The following FXR1 variants were observed in gnomAD, a reference collection of about 807,000 sequenced individuals.
FXR1 encodes RNA-binding protein FXR1.
In FXR1, 15 loss-of-function variants were observed where a neutral mutation model predicts 84.0. The ratio of observed to expected loss-of-function variants is 0.18; its 90% CI spans 0.12 to 0.27. The LOEUF (loss-of-function observed/expected upper bound fraction) is 0.27, where lower values mean the gene tolerates loss of function less well. Among genes scored for constraint, FXR1 ranks in the 10% least tolerant of loss-of-function variants. FXR1 has a pLI of 1.00. For missense variants in FXR1, 480 were observed against 774.4 expected (o/e 0.62, Z 4.51); for synonymous variants, 245 against 250.7 (o/e 0.98, Z 0.21).
chr3:180,927,889 T>C (rs1719419389), intron 1 of FXR1: 5 of 371,762 alleles, frequency 1.3e-5, no homozygotes, highest in Non-Finnish European at 2.4e-5. Flanking sequence ...AATATTTGAA[T>C]TGGGGATTTA....
Position 180,927,491 on chromosome 3 carries a change from A to G in FXR1, c.52-5843A>G, listed in dbSNP as rs533779047. Among the ~76,000 whole-genome samples the G allele has an allele frequency of 2.5e-3, 375 of 152,218 alleles. 4 individuals carry two copies. Among genetic ancestry groups the G allele is most frequent in the African/African-American group, 8.8e-3 (366 of 41,546 alleles). ...ATTAATCTTTTAACTCCTGAAATAT[A>G]TTCATACCATGTTTCTTTCTGTTTA... On this transcript the variant is annotated intron_variant, in intron 1 of 16. Transcript: ENST00000357559.
intron 2 of FXR1, 22 bp from the exon 3 acceptor site, chr3:180,935,116 T>C: frequency 8.4e-7 from 1 of 1,190,522 alleles, no homozygotes; most frequent in South Asian, 1.2e-5. Context: ...AAGTTGTTAA[T>C]ACACCTTTTC....
rs2108502860 is a variant in FXR1 at position 180,979,782 on chromosome 3, A to T, written c.*3490A>T. On this transcript the variant is annotated 3_prime_UTR_variant, in exon 17 of 17. Coordinates refer to ENST00000357559, the MANE Select transcript of FXR1 (RefSeq NM_005087.4). ...ACCACTTTTGTAAGGCTCAAAAATG[A>T]TCAACTATTAACAGTTTCTTATGGT... The T allele has an allele frequency of 6.6e-6, 1 of 152,178 alleles. No individual in the cohort carries two copies. The highest frequency in any genetic ancestry group is 1.9e-4 in the East Asian group (1 of 5,174). 9.4% of individuals were successfully genotyped at this position (152,178 alleles called of 1,614,324 possible).
intron 1 of FXR1, among the ~76,000 whole-genome samples, chr3:180,928,904 A>G (rs1719552597): frequency 6.6e-6 from 1 of 151,166 alleles, no homozygotes; most frequent in Non-Finnish European, 1.5e-5. Flanking sequence ...CTTTCATTTT[A>G]CACTTAATTT....
At chr3:180,961,680 C>A (rs1431351335) in intron 11 of FXR1, 126 bp downstream of exon 11, 3 of 503,440 alleles carry the variant, frequency 6.0e-6, no homozygotes, top group East Asian at 3.1e-5. Flanking sequence ...AACTTCAAAT[C>A]TTTAAATATT....
intron 1 of FXR1, among the ~76,000 whole-genome samples, chr3:180,913,215 T>G (rs1717452397): frequency 6.6e-6 from 1 of 152,198 alleles, no homozygotes; most frequent in Admixed American, 6.5e-5. Flanking sequence ...CGCGGAATCT[T>G]TGGAATTCAC....
At chr3:180,954,066 T>C (rs780428609) in intron 9 of FXR1, 5 of 390,700 alleles carry the variant, frequency 1.3e-5, no homozygotes, top group African/African-American at 4.2e-5. Context: ...GATGACTCAC[T>C]AATAAGGCCC....
chr3:180,962,176 A>G (rs1712207157), intron 11 of FXR1, among the ~76,000 whole-genome samples: 1 of 152,158 alleles, frequency 6.6e-6, no homozygotes, highest in Non-Finnish European at 1.5e-5. Flanking sequence ...AAGTATAATA[A>G]TATCCTCACC....
At chr3:180,919,460 T>G (rs1185223995) in intron 1 of FXR1, among the ~76,000 whole-genome samples, 3 of 151,706 alleles carry the variant, frequency 2.0e-5, no homozygotes, top group Admixed American at 1.3e-4. Context: ...AATTTTTGTA[T>G]TTTTAGTAGA....
Position 180,970,274 on chromosome 3 carries a change from C to T in FXR1, c.1519C>T (p.Arg507Cys), listed in dbSNP as rs1262703864. 1.2e-6 allele frequency: 2 copies of T among 1,601,516 alleles called. No homozygotes were observed. Among genetic ancestry groups the T allele is most frequent in the Non-Finnish European group, 1.7e-6 (2 of 1,169,252 alleles). ...CAGTACTAACCGTCGTAGGCGGTCT[C>T]GTAGACGAAGGACTGATGAAGATGC... The part of the protein sequence containing the change: ...HHSTNRRRRS[R>C]RRRTDEDAVL... Residue 507 changes from arginine (R) to cysteine (C), a missense_variant, in exon 15 of 17, where the codon CGT becomes TGT. Around this residue, in one of 6 missense-constraint regions of FXR1, gnomAD observed 157 missense variants for 227.8 expected, o/e 0.69. Transcript: ENST00000357559.
chr3:180,914,980 CAG>C (rs1717704404), intron 1 of FXR1: 9 of 964,176 alleles, frequency 9.3e-6, no homozygotes, highest in Non-Finnish European at 1.1e-5. Context: ...TTGAAGTAAA[CAG>C]ATGAGAATTC....
At chr3:180,939,375 A>G (rs1720880396) in intron 3 of FXR1, among the ~76,000 whole-genome samples, 1 of 152,138 alleles carries the variant, frequency 6.6e-6, no homozygotes, top group Non-Finnish European at 1.5e-5. Context: ...GGATTGTGCA[A>G]AATAGCAGAG....
intron 3 of FXR1, among the ~76,000 whole-genome samples, chr3:180,946,704 A>G (rs942433783): frequency 2.0e-5 from 3 of 152,164 alleles, no homozygotes; most frequent in Admixed American, 6.5e-5. Context: ...CAGTATTCCT[A>G]CCACTTCCAA....
intron 13 of FXR1, among the ~76,000 whole-genome samples, chr3:180,967,424 A>G (rs1253765154): frequency 2.0e-5 from 3 of 152,180 alleles, no homozygotes; most frequent in Non-Finnish European, 4.4e-5. Context: ...TAAACTATTC[A>G]GTTTTCTAAA....
In FXR1 at chr3:180,980,519, A is replaced by G. The variant is rs779766537; in HGVS notation, c.*4227A>G. 2.6e-5 allele frequency: 4 copies of G among 152,020 alleles called. No homozygotes were observed. The highest frequency in any genetic ancestry group is 2.1e-4 in the South Asian group (1 of 4,838). 9.4% of individuals were successfully genotyped at this position (152,020 alleles called of 1,614,324 possible). On this transcript the variant is annotated 3_prime_UTR_variant, in exon 17 of 17. Transcript: ENST00000357559. Reference sequence around the variant, plus strand: ...TTCCAATAGTTTTTCTAGATAAACAATTTATACTTAATTGTTGCTTGGTTG... The same window carrying G: ...TTCCAATAGTTTTTCTAGATAAACAGTTTATACTTAATTGTTGCTTGGTTG...
rs777418925 is a variant in FXR1, at chr3:180,979,804, T to G, written c.*3512T>G. On this transcript the variant is annotated 3_prime_UTR_variant, in exon 17 of 17. Coordinates refer to ENST00000357559, the MANE Select transcript of FXR1 (RefSeq NM_005087.4). ...ATGATCAACTATTAACAGTTTCTTA[T>G]GGTTCAGTCTAATTACAAATTTTTA... 1 of 152,080 alleles carries G rather than the reference T, an allele frequency of 6.6e-6. No homozygotes were observed. Among genetic ancestry groups the G allele is most frequent in the South Asian group, 2.1e-4 (1 of 4,834 alleles). The allele number at this position is 152,080 out of a possible 1,614,324, so 9.4% of individuals were successfully genotyped here.
intron 13 of FXR1, among the ~76,000 whole-genome samples, chr3:180,964,686 T>TATATAG (rs1712587220): frequency 6.8e-6 from 1 of 147,892 alleles, no homozygotes; most frequent in African/African-American, 2.5e-5. Context: ...TATATATATA[T>TATATAG]ATATATATAT....
At chr3:180,932,711 A>G (rs1720080695) in intron 1 of FXR1, among the ~76,000 whole-genome samples, 1 of 152,224 alleles carries the variant, frequency 6.6e-6, no homozygotes, top group Non-Finnish European at 1.5e-5. Context: ...AAGGGAAGGG[A>G]AAGAGAAGTA....
chr3:180,951,732 T>C (rs542355184), intron 8 of FXR1, among the ~76,000 whole-genome samples: 1 of 152,332 alleles, frequency 6.6e-6, no homozygotes, highest in South Asian at 2.1e-4. Flanking sequence ...TTCAGTTTTA[T>C]ACCCGTTAAC....
Sources: allele counts gnomAD v4.1 joint callset (sites outside exome capture counted in the v4.1 genomes callset), GRCh38; gene constraint gnomAD v4.1.1; regional missense constraint gnomAD v4.1.1; transcripts MANE v1.5; gene names NCBI Gene and HGNC (gene_info 2026-07-23, HGNC 2026-07-21).